GABBR2: variants seen among roughly 807,000 people sequenced by gnomAD.
GABBR2 encodes the protein gamma-aminobutyric acid type B receptor subunit 2.
In GABBR2, 23 loss-of-function variants were observed where a neutral mutation model predicts 105.6. The observed-to-expected ratio is 0.22, with a 90% confidence interval of 0.16 to 0.31. The LOEUF is 0.31. GABBR2 is among the 10% of genes least tolerant of loss of function. GABBR2 has a pLI of 1.00. For missense variants in GABBR2, 734 were observed against 1,245.5 expected, an observed-to-expected ratio of 0.59 and a Z score of 6.18; for synonymous variants, 478 against 499.7, an observed-to-expected ratio of 0.96 and a Z score of 0.58.
chr9:98,614,572 G>C (rs946421757), intron 1 of GABBR2, among the ~76,000 whole-genome samples: 3 of 152,076 alleles, frequency 2.0e-5, no homozygotes, highest in African/African-American at 7.2e-5. Context: ...AAATTAAAAT[G>C]AGTAAAACAA....
chr9:98,316,125 G>T (rs1016630313), intron 13 of GABBR2, among the ~76,000 whole-genome samples: 1 of 151,716 alleles, frequency 6.6e-6, no homozygotes, highest in Non-Finnish European at 1.5e-5. Flanking sequence ...TTCTTGCTCT[G>T]GATAGCTGGC....
chr9:98,297,993 A>G (rs1165288176), intron 17 of GABBR2, among the ~76,000 whole-genome samples: 1 of 150,658 alleles, frequency 6.6e-6, no homozygotes, highest in Admixed American at 6.6e-5. Flanking sequence ...AGTGAGCTGG[A>G]ATCATGCCAC....
intron 11 of GABBR2, among the ~76,000 whole-genome samples, chr9:98,378,265 G>A (rs1353969490): frequency 6.6e-6 from 1 of 152,186 alleles, no homozygotes; most frequent in East Asian, 1.9e-4. Context: ...CCAGTCCAGT[G>A]TCTGGGCCTC....
chr9:98,462,049 A>G (rs1467541149), intron 6 of GABBR2, among the ~76,000 whole-genome samples: 1 of 151,466 alleles, frequency 6.6e-6, no homozygotes, highest in African/African-American at 2.5e-5. Flanking sequence ...TGAGATTTGG[A>G]GGGGACGAAC....
At chr9:98,359,310 C>T (rs1035163042) in intron 13 of GABBR2, among the ~76,000 whole-genome samples, 2 of 152,082 alleles carry the variant, frequency 1.3e-5, no homozygotes, top group Admixed American at 6.5e-5. Flanking sequence ...CACCTGTAGT[C>T]CCAGCTACTT....
intron 1 of GABBR2, chr9:98,606,717 T>C: frequency 8.5e-6 from 2 of 234,542 alleles, no homozygotes; most frequent in South Asian, 1.2e-4. Flanking sequence ...TGACCTCAAG[T>C]GATCCGCCCG....
chr9:98,403,986 G>A (rs1169994865), intron 8 of GABBR2, among the ~76,000 whole-genome samples: 3 of 151,964 alleles, frequency 2.0e-5, no homozygotes, highest in East Asian at 3.9e-4. Flanking sequence ...GCTCTGAACT[G>A]CTGTTTGCTG....
intron 15 of GABBR2, among the ~76,000 whole-genome samples, chr9:98,305,351 T>C (rs1014517495): frequency 6.6e-6 from 1 of 152,230 alleles, no homozygotes; most frequent in African/African-American, 2.4e-5. Context: ...AACTGTGTTA[T>C]GCAGAAAAAA....
At chr9:98,687,983 C>T (rs992609672) in intron 1 of GABBR2, among the ~76,000 whole-genome samples, 2 of 152,190 alleles carry the variant, frequency 1.3e-5, no homozygotes, top group African/African-American at 4.8e-5. Context: ...AAGGACACCC[C>T]TTCTCAGCAG....
At chr9:98,617,065 G>A (rs529858168) in intron 1 of GABBR2, among the ~76,000 whole-genome samples, 47 of 152,272 alleles carry the variant, frequency 3.1e-4, no homozygotes, top group African/African-American at 1.1e-3. Flanking sequence ...CATTCTGAAG[G>A]TATAAATGAG....
intron 13 of GABBR2, among the ~76,000 whole-genome samples, chr9:98,313,618 T>G (rs1471237729): frequency 6.6e-6 from 1 of 152,222 alleles, no homozygotes; most frequent in African/African-American, 2.4e-5. Flanking sequence ...AAGATTCCTT[T>G]GCAATCTGTT....
At chr9:98,562,334 G>A (rs1232498276) in intron 2 of GABBR2, among the ~76,000 whole-genome samples, 2 of 152,184 alleles carry the variant, frequency 1.3e-5, no homozygotes, top group Admixed American at 6.5e-5. Flanking sequence ...CAAAGACAAT[G>A]CATGTTCCTT....
At chr9:98,635,633 G>C (rs915215481) in intron 1 of GABBR2, among the ~76,000 whole-genome samples, 2 of 152,160 alleles carry the variant, frequency 1.3e-5, no homozygotes, top group Non-Finnish European at 2.9e-5. Flanking sequence ...AGAGGTGTCT[G>C]TAGGTTGGGT....
At chr9:98,384,741 T>C (rs1041764913) in intron 11 of GABBR2, among the ~76,000 whole-genome samples, 3 of 152,188 alleles carry the variant, frequency 2.0e-5, no homozygotes, top group Admixed American at 6.5e-5. Flanking sequence ...TATATCTCAA[T>C]AGGGATGATA....
intron 4 of GABBR2, among the ~76,000 whole-genome samples, chr9:98,494,031 G>T (rs1240966300): frequency 2.6e-5 from 4 of 152,162 alleles, no homozygotes; most frequent in Non-Finnish European, 5.9e-5. Flanking sequence ...CATGATCAGT[G>T]TCCTAAAAAG....
intron 7 of GABBR2, among the ~76,000 whole-genome samples, chr9:98,438,653 G>GCCAT (rs1379816781): frequency 1.3e-5 from 2 of 152,126 alleles, no homozygotes; most frequent in African/African-American, 4.8e-5. Flanking sequence ...GGGTCTGAGG[G>GCCAT]CCATGTTTCT....
chr9:98,389,447 A>G (rs1439565985), intron 9 of GABBR2, among the ~76,000 whole-genome samples: 1 of 152,204 alleles, frequency 6.6e-6, no homozygotes, highest in Non-Finnish European at 1.5e-5. Flanking sequence ...CCTCCTCAAC[A>G]GGATGGACAC....
intron 2 of GABBR2, among the ~76,000 whole-genome samples, chr9:98,563,997 A>G (rs1828715204): frequency 1.3e-5 from 2 of 152,014 alleles, no homozygotes; most frequent in African/African-American, 4.8e-5. Flanking sequence ...CAACCAGTCG[A>G]TCTATTTTCT....
At chr9:98,471,339 C>A (rs905554278) in intron 6 of GABBR2, among the ~76,000 whole-genome samples, 1 of 152,162 alleles carries the variant, frequency 6.6e-6, no homozygotes, top group Non-Finnish European at 1.5e-5. Context: ...GGTGAACAGT[C>A]CCAAGGTGTC....
Sources: gnomAD v4.1 joint callset for allele counts (sites outside exome capture counted in the v4.1 genomes callset) on GRCh38, gnomAD v4.1.1 for gene constraint, MANE v1.5 for transcripts, NCBI Gene and HGNC (gene_info 2026-07-23, HGNC 2026-07-21) for gene names.